LARGE1: variants seen among roughly 807,000 people sequenced by gnomAD.
LARGE1 encodes LARGE xylosyl- and glucuronyltransferase 1, also known as xylosyl- and glucuronyltransferase LARGE1.
LARGE1 carries 43 observed loss-of-function variants against 87.6 expected under a neutral mutation model. The ratio of observed to expected loss-of-function variants is 0.49; its 90% CI spans 0.38 to 0.63. The LOEUF (loss-of-function observed/expected upper bound fraction) is 0.63. Ranked by LOEUF, LARGE1 falls within the 30% of genes least tolerant of loss-of-function variation. The probability of loss-of-function intolerance (pLI) is 0.00; values close to 1 mark genes in which losing one functional copy is unlikely to be tolerated. For missense variants in LARGE1, 802 were observed against 1,000.2 expected (o/e 0.80, Z 2.67); for synonymous variants, 434 against 394.6 (o/e 1.10, Z -1.18).
At chr22:33,438,749 T>C (rs2067363141) in intron 6 of LARGE1, among the ~76,000 whole-genome samples, 1 of 152,192 alleles carries the variant, frequency 6.6e-6, no homozygotes, top group Non-Finnish European at 1.5e-5. Context: ...GGCAGCATGA[T>C]AAATCAGGAA....
At chr22:33,875,208 G>A (rs1368814273) in intron 1 of LARGE1, among the ~76,000 whole-genome samples, 7 of 152,136 alleles carry the variant, frequency 4.6e-5, no homozygotes, top group African/African-American at 1.4e-4. Flanking sequence ...ACTGACCCTC[G>A]TGCTATAATA....
chr22:33,813,184 C>T (rs1012866281), intron 1 of LARGE1, among the ~76,000 whole-genome samples: 35 of 151,390 alleles, frequency 2.3e-4, no homozygotes, highest in Non-Finnish European at 4.7e-4. Flanking sequence ...GGCAAAATCC[C>T]GTCTCTAGTA....
chr22:33,575,033 AT>A (rs2078312379), intron 5 of LARGE1, among the ~76,000 whole-genome samples: 1 of 152,162 alleles, frequency 6.6e-6, no homozygotes, highest in Non-Finnish European at 1.5e-5. Context: ...GAAAATCTAG[AT>A]TCCCAGGATC....
chr22:33,255,611 A>C (rs949740641), intron 11 of LARGE1, among the ~76,000 whole-genome samples: 2 of 152,244 alleles, frequency 1.3e-5, no homozygotes, highest in African/African-American at 4.8e-5. Flanking sequence ...ACAACAAGCT[A>C]CACAGGCTTA....
At chr22:33,394,150 A>T (rs1039336269) in intron 7 of LARGE1, among the ~76,000 whole-genome samples, 2 of 151,100 alleles carry the variant, frequency 1.3e-5, no homozygotes, top group African/African-American at 4.8e-5. Flanking sequence ...TTATCAAGCA[A>T]CTGCAGTATA....
chr22:33,139,435 T>C, the LARGE1 span, among the ~76,000 whole-genome samples: 1 of 152,222 alleles, frequency 6.6e-6, no homozygotes, highest in Non-Finnish European at 1.5e-5. Context: ...GTCAGTTCAG[T>C]TAATGGGGTC....
intron 4 of LARGE1, among the ~76,000 whole-genome samples, chr22:33,619,889 G>A (rs1490719072): frequency 6.6e-6 from 1 of 152,182 alleles, no homozygotes; most frequent in Non-Finnish European, 1.5e-5. Flanking sequence ...ATTACATACA[G>A]CCTATATTCC....
At chr22:33,347,632 T>C (rs1939910983) in intron 9 of LARGE1, among the ~76,000 whole-genome samples, 1 of 152,220 alleles carries the variant, frequency 6.6e-6, no homozygotes, top group Non-Finnish European at 1.5e-5. Flanking sequence ...TCCTTTTCCT[T>C]GTCATCTTCG....
chr22:33,562,511 T>TA (rs1286886119), intron 6 of LARGE1, among the ~76,000 whole-genome samples: 1 of 152,124 alleles, frequency 6.6e-6, no homozygotes, highest in African/African-American at 2.4e-5. Flanking sequence ...TGCAGCCCAT[T>TA]AACTCAGCTC....
At chr22:33,914,711 TAAG>T (rs753694659) in intron 1 of LARGE1, among the ~76,000 whole-genome samples, 7 of 152,142 alleles carry the variant, frequency 4.6e-5, no homozygotes, top group African/African-American at 1.2e-4. Flanking sequence ...TCTTTCCATT[TAAG>T]AAGGAGAAAA....
intron 3 of LARGE1, among the ~76,000 whole-genome samples, chr22:33,627,307 G>A (rs1303751269): frequency 2.6e-5 from 4 of 152,246 alleles, no homozygotes; most frequent in East Asian, 1.9e-4. Flanking sequence ...CATCCCCGAC[G>A]GGACATCATT....
At chr22:33,785,147 G>A (rs1348230444) in intron 1 of LARGE1, among the ~76,000 whole-genome samples, 1 of 142,904 alleles carries the variant, frequency 7.0e-6, no homozygotes, top group Non-Finnish European at 1.5e-5. Flanking sequence ...ACATACATAT[G>A]TGTATATACA....
At chr22:33,538,780 G>C (rs1373946007) in intron 6 of LARGE1, among the ~76,000 whole-genome samples, 1 of 152,158 alleles carries the variant, frequency 6.6e-6, no homozygotes, top group African/African-American at 2.4e-5. Context: ...ATTACTCACT[G>C]CCCCTTCCAG....
At chr22:33,275,783 G>C (rs1929149977) in intron 14 of LARGE1, among the ~76,000 whole-genome samples, 1 of 152,186 alleles carries the variant, frequency 6.6e-6, no homozygotes, top group East Asian at 1.9e-4. Flanking sequence ...CAAAGCCCAG[G>C]TCTCATGGCT....
At chr22:33,070,457 G>C in the LARGE1 span, among the ~76,000 whole-genome samples, 1 of 152,082 alleles carries the variant, frequency 6.6e-6, no homozygotes, top group Non-Finnish European at 1.5e-5. Flanking sequence ...TGCTACTGGC[G>C]TCTAGTGGGT....
chr22:33,301,488 A>C (rs1314194189), intron 12 of LARGE1, among the ~76,000 whole-genome samples: 1 of 152,184 alleles, frequency 6.6e-6, no homozygotes, highest in African/African-American at 2.4e-5. Flanking sequence ...ACATTAAAAA[A>C]ACATTTTATA....
the LARGE1 span, among the ~76,000 whole-genome samples, chr22:33,106,380 CT>C: frequency 6.6e-6 from 1 of 152,234 alleles, no homozygotes; most frequent in Non-Finnish European, 1.5e-5. Flanking sequence ...TCCGGACAAG[CT>C]GCTCAGAATG....
intron 3 of LARGE1, among the ~76,000 whole-genome samples, chr22:33,641,741 A>C (rs2080439847): frequency 1.3e-5 from 2 of 152,212 alleles, no homozygotes; most frequent in African/African-American, 4.8e-5. Flanking sequence ...TGAAGCATAC[A>C]CAAGTATCGA....
At chr22:33,615,136 G>A (rs2079545870) in intron 4 of LARGE1, among the ~76,000 whole-genome samples, 1 of 151,946 alleles carries the variant, frequency 6.6e-6, no homozygotes, top group Non-Finnish European at 1.5e-5. Context: ...CTTCTTCTTT[G>A]TTCCCTGCTA....
Sources: gnomAD v4.1 joint callset for allele counts (sites outside exome capture counted in the v4.1 genomes callset) on GRCh38, gnomAD v4.1.1 for gene constraint, MANE v1.5 for transcripts, NCBI Gene and HGNC (gene_info 2026-07-23, HGNC 2026-07-21) for gene names.